Variants in ESRRG observed in about 807,000 individuals in gnomAD.
The protein encoded by ESRRG is estrogen related receptor gamma, also known as estrogen-related receptor gamma.
ESRRG carries 13 observed loss-of-function variants against 44.0 expected under a neutral mutation model. The ratio of observed to expected loss-of-function variants is 0.30; its 90% CI spans 0.19 to 0.47. The LOEUF (loss-of-function observed/expected upper bound fraction) is 0.47. ESRRG is among the 20% of genes least tolerant of loss of function. ESRRG has a pLI of 1.00. For missense variants in ESRRG, 395 were observed against 580.6 expected, an observed-to-expected ratio of 0.68 and a Z score of 3.29; for synonymous variants, 215 against 214.6, an observed-to-expected ratio of 1.00 and a Z score of -0.02.
At chr1:216,606,800 G>A (rs967693837) in intron 3 of ESRRG, among the ~76,000 whole-genome samples, 1 of 152,146 alleles carries the variant, frequency 6.6e-6, no homozygotes, top group African/African-American at 2.4e-5. Flanking sequence ...TGTGGGAGCA[G>A]CATACATAGG....
chr1:216,535,845 A>G (rs988185250), intron 5 of ESRRG, among the ~76,000 whole-genome samples: 30 of 151,790 alleles, frequency 2.0e-4, no homozygotes, highest in Admixed American at 6.6e-5. Context: ...CTCTCTGTTC[A>G]CTGCATCCCT....
At chr1:216,743,091 T>C (rs2090958175) in intron 2 of ESRRG, among the ~76,000 whole-genome samples, 1 of 152,210 alleles carries the variant, frequency 6.6e-6, no homozygotes, top group Non-Finnish European at 1.5e-5. Context: ...TGTCTCACCA[T>C]GATAGTCATT....
At chr1:216,932,878 A>T (rs1485253715) in intron 2 of ESRRG, among the ~76,000 whole-genome samples, 1 of 151,386 alleles carries the variant, frequency 6.6e-6, no homozygotes, top group Non-Finnish European at 1.5e-5. Flanking sequence ...AATTTATATA[A>T]TTTTTTTAGA....
intron 2 of ESRRG, among the ~76,000 whole-genome samples, chr1:216,871,954 T>A (rs1327106573): frequency 6.6e-6 from 1 of 152,108 alleles, no homozygotes; most frequent in Non-Finnish European, 1.5e-5. Flanking sequence ...TTTTCTTCTA[T>A]CTGAAAAATT....
rs11572519 is a variant in ESRRG at position 216,908,563 on chromosome 1, C to T, written c.-14+31019G>A. Among the ~76,000 whole-genome samples the T allele has an allele frequency of 4.0e-3, 602 of 152,236 alleles. 4 individuals carry two copies. The highest frequency in any genetic ancestry group is 0.014 in the African/African-American group (576 of 41,550). ...TCACACACACACCAATTTCAGCTTGCTAGGACAGTCTGCTTTTTTAACCCT... is the reference window on the plus strand; with the variant it reads ...TCACACACACACCAATTTCAGCTTGTTAGGACAGTCTGCTTTTTTAACCCT... On this transcript the variant is annotated intron_variant, in intron 2 of 7. Transcript: ENST00000359162.
chr1:216,531,142 T>C (rs2049248111), intron 5 of ESRRG, among the ~76,000 whole-genome samples: 1 of 152,124 alleles, frequency 6.6e-6, no homozygotes, highest in African/African-American at 2.4e-5. Flanking sequence ...AGAAGAAATA[T>C]GTTATCCATG....
chr1:217,100,333 T>C (rs540483327), intron 1 of ESRRG, among the ~76,000 whole-genome samples: 23 of 152,258 alleles, frequency 1.5e-4, no homozygotes, highest in African/African-American at 5.3e-4. Flanking sequence ...ACCCCAACAC[T>C]CTATAATAGG....
At chr1:217,092,648 A>G (rs1406536344), upstream of ESRRG, among the ~76,000 whole-genome samples, 2 of 152,140 alleles carry the variant, frequency 1.3e-5, no homozygotes, top group Admixed American at 6.5e-5. Flanking sequence ...GTTGACTCAC[A>G]CTGCGATCCC....
rs146174272 is a variant in ESRRG, at chr1:217,064,865, C to T, written c.-106+24642G>A. ...TACCCTACCCTGGTTATGCTAGACCCTGAATAAACTCCCTAAACCTCAATA... is the reference window on the plus strand; with the variant it reads ...TACCCTACCCTGGTTATGCTAGACCTTGAATAAACTCCCTAAACCTCAATA... On this transcript the variant is annotated intron_variant, in intron 1 of 7. Transcript: ENST00000359162. Among the ~76,000 whole-genome samples, 248 of 152,236 alleles carry T rather than the reference C, an allele frequency of 1.6e-3. 1 individual carries two copies. Among genetic ancestry groups the T allele is most frequent in the African/African-American group, 5.7e-3 (236 of 41,556 alleles).
chr1:217,003,214 T>C (rs1175939394), intron 1 of ESRRG, among the ~76,000 whole-genome samples: 1 of 152,118 alleles, frequency 6.6e-6, no homozygotes, highest in Non-Finnish European at 1.5e-5. Context: ...TTTGAAGTGA[T>C]ATAATGTTGG....
chr1:216,572,202 G>T (rs2060931631), intron 3 of ESRRG, among the ~76,000 whole-genome samples: 1 of 152,014 alleles, frequency 6.6e-6, no homozygotes, highest in African/African-American at 2.4e-5. Context: ...CAAAATCCTA[G>T]TAAAAGACAG....
At chr1:216,626,053 T>C (rs796913344) in intron 3 of ESRRG, among the ~76,000 whole-genome samples, 18 of 152,332 alleles carry the variant, frequency 1.2e-4, no homozygotes, top group African/African-American at 3.8e-4. Context: ...CATGCATTCC[T>C]CAAAGCACCT....
At chr1:216,926,274 ACT>A (rs1311285388) in intron 2 of ESRRG, among the ~76,000 whole-genome samples, 2 of 152,198 alleles carry the variant, frequency 1.3e-5, no homozygotes, top group East Asian at 3.9e-4. Flanking sequence ...GACACACCAC[ACT>A]CTCATAACTG....
chr1:217,098,233 A>C (rs1223039022), intron 1 of ESRRG, among the ~76,000 whole-genome samples: 2 of 152,092 alleles, frequency 1.3e-5, no homozygotes, highest in Non-Finnish European at 2.9e-5. Context: ...CTCTTTATAA[A>C]TGAACCCTAG....
intron 6 of ESRRG, among the ~76,000 whole-genome samples, chr1:216,513,864 T>C (rs901663043): frequency 3.3e-5 from 5 of 152,184 alleles, no homozygotes; most frequent in Non-Finnish European, 7.4e-5. Flanking sequence ...AATGTTGATA[T>C]CAATTTGGGT....
intron 1 of ESRRG, among the ~76,000 whole-genome samples, chr1:216,713,105 T>C (rs2083981433): frequency 6.6e-6 from 1 of 152,120 alleles, no homozygotes; most frequent in Admixed American, 6.5e-5. Flanking sequence ...TTGAGAGTAA[T>C]CAATAGTAAT....
chr1:216,886,836 A>G (rs899898891), intron 2 of ESRRG, among the ~76,000 whole-genome samples: 1 of 151,858 alleles, frequency 6.6e-6, no homozygotes, highest in Non-Finnish European at 1.5e-5. Flanking sequence ...TGATCCTCCC[A>G]CCTTAGCCTC....
intron 2 of ESRRG, among the ~76,000 whole-genome samples, chr1:216,667,284 A>T (rs905113971): frequency 3.9e-5 from 6 of 152,238 alleles, no homozygotes; most frequent in African/African-American, 1.4e-4. Context: ...CCAGAATTAC[A>T]TCCGTATTTT....
chr1:216,555,360 T>G (rs936141883), intron 5 of ESRRG, among the ~76,000 whole-genome samples: 2 of 152,218 alleles, frequency 1.3e-5, no homozygotes, highest in African/African-American at 4.8e-5. Context: ...TTCTATTTTG[T>G]GTTTAAAATG....
Sources: allele counts gnomAD v4.1 joint callset (sites outside exome capture counted in the v4.1 genomes callset), GRCh38; gene constraint gnomAD v4.1.1; transcripts MANE v1.5; gene names NCBI Gene and HGNC (gene_info 2026-07-23, HGNC 2026-07-21).